Variants in PDE1C observed in about 807,000 individuals in gnomAD.
The protein encoded by PDE1C is phosphodiesterase 1C.
PDE1C carries 62 observed loss-of-function variants against 93.1 expected under a neutral mutation model. That is an observed-to-expected ratio of 0.67 (90% CI 0.54 to 0.82). PDE1C has a LOEUF of 0.82. PDE1C is among the 40% of genes least tolerant of loss of function. The probability of loss-of-function intolerance (pLI) is 0.00; values close to 1 mark genes in which losing one functional copy is unlikely to be tolerated. For synonymous variants in PDE1C, 325 were observed against 310.1 expected, an observed-to-expected ratio of 1.05 and a Z score of -0.50; for missense variants, 742 against 884.6, an observed-to-expected ratio of 0.84 and a Z score of 2.04.
At chr7:32,287,623 C>T (rs1191214582) in intron 1 of PDE1C, among the ~76,000 whole-genome samples, 1 of 152,214 alleles carries the variant, frequency 6.6e-6, no homozygotes, top group African/African-American at 2.4e-5. Context: ...TAAAGACAGG[C>T]TAAGTGAGTG....
At chr7:31,797,344 G>A (rs1785428722) in intron 16 of PDE1C, among the ~76,000 whole-genome samples, 1 of 151,758 alleles carries the variant, frequency 6.6e-6, no homozygotes, top group Non-Finnish European at 1.5e-5. Context: ...GAAGGCTGCA[G>A]TGGGATACCT....
At chr7:31,919,013 A>C (rs2128955012) in intron 2 of PDE1C, among the ~76,000 whole-genome samples, 1 of 152,368 alleles carries the variant, frequency 6.6e-6, no homozygotes, top group Non-Finnish European at 1.5e-5. Context: ...TAATAATAAT[A>C]ATCAGCAATG....
At chr7:31,920,234 T>C (rs542974509) in intron 2 of PDE1C, among the ~76,000 whole-genome samples, 66 of 152,248 alleles carry the variant, frequency 4.3e-4, no homozygotes, top group African/African-American at 1.5e-3. Context: ...CAGTATACCA[T>C]AGGACAGGAG....
intron 2 of PDE1C, among the ~76,000 whole-genome samples, chr7:32,187,099 G>T (rs1803932305): frequency 6.6e-6 from 1 of 151,914 alleles, no homozygotes; most frequent in South Asian, 2.1e-4. Context: ...AATCCAGATT[G>T]GGAAACTATT....
At chr7:32,128,498 AAC>A (rs1478321011) in intron 3 of PDE1C, among the ~76,000 whole-genome samples, 1 of 152,014 alleles carries the variant, frequency 6.6e-6, no homozygotes, top group East Asian at 1.9e-4. Flanking sequence ...ATTGTTAAGA[AAC>A]ACATATGAAA....
intron 2 of PDE1C, among the ~76,000 whole-genome samples, chr7:31,983,268 A>C (rs1236885378): frequency 6.6e-6 from 1 of 152,204 alleles, no homozygotes; most frequent in Non-Finnish European, 1.5e-5. Context: ...TAGTGAACTC[A>C]AATTTCCTAA....
intron 2 of PDE1C, among the ~76,000 whole-genome samples, chr7:31,962,977 C>T (rs1809250299): frequency 6.6e-6 from 1 of 152,148 alleles, no homozygotes; most frequent in Non-Finnish European, 1.5e-5. Flanking sequence ...AAGTTTAGCC[C>T]CTTTAAAAAA....
chr7:32,349,775 G>T (rs182131694), intron 1 of PDE1C, among the ~76,000 whole-genome samples: 15 of 152,126 alleles, frequency 9.9e-5, no homozygotes, highest in African/African-American at 3.6e-4. Context: ...GACTGCAGGC[G>T]CATGCCACCA....
intron 2 of PDE1C, among the ~76,000 whole-genome samples, chr7:32,184,466 A>G (rs945254254): frequency 2.0e-5 from 3 of 152,250 alleles, no homozygotes; most frequent in Non-Finnish European, 4.4e-5. Context: ...AATACTATGC[A>G]GCCATAAAAA....
chr7:32,276,139 T>C (rs1811270699), intron 1 of PDE1C, among the ~76,000 whole-genome samples: 2 of 152,232 alleles, frequency 1.3e-5, no homozygotes, highest in Admixed American at 1.3e-4. Flanking sequence ...TGTTGATTAT[T>C]TACCATATAC....
chr7:31,848,599 T>C (rs1179889480), intron 8 of PDE1C, among the ~76,000 whole-genome samples: 1 of 152,058 alleles, frequency 6.6e-6, no homozygotes, highest in South Asian at 2.1e-4. Flanking sequence ...ATGTGGAAAA[T>C]TGAGAATAAA....
chr7:32,115,424 C>T (rs1453075332), intron 3 of PDE1C, among the ~76,000 whole-genome samples: 2 of 151,968 alleles, frequency 1.3e-5, no homozygotes, highest in South Asian at 2.1e-4. Flanking sequence ...ACAATAAGAG[C>T]ATGTGGACAC....
At chr7:32,242,304 C>T (rs1369945073) in intron 1 of PDE1C, among the ~76,000 whole-genome samples, 1 of 151,866 alleles carries the variant, frequency 6.6e-6, no homozygotes, top group Non-Finnish European at 1.5e-5. Flanking sequence ...TTCGGAGTTC[C>T]CAGGGGGTTG....
intron 16 of PDE1C, chr7:31,786,684 GT>G (rs1344633436): frequency 6.6e-6 from 1 of 152,152 alleles, no homozygotes; most frequent in Non-Finnish European, 1.5e-5. Context: ...GAAAAAAATT[GT>G]TGCCTGAATT....
In PDE1C at chr7:31,753,520, G is replaced by A. The variant is rs764396968; in HGVS notation, c.1994C>T (p.Pro665Leu). 4 of 1,611,566 alleles carry A rather than the reference G, an allele frequency of 2.5e-6. No individual in the cohort carries two copies. The highest frequency in any genetic ancestry group is 1.7e-5 in the Admixed American group (1 of 59,858). ...TGCATAGGAGCTAGATGCGTAAGCA[G>A]GGCGTTTAAAATGACGCAAAGGAGG... ...IKPPLRHFKR[P>L]AYASSSYAPS... Residue 665 changes from proline to leucine, a missense_variant, in exon 18 of 18, where the codon CCT (proline) becomes CTT (leucine). Around this residue, in one of 4 missense-constraint regions of PDE1C, gnomAD observed 454 missense variants for 459.4 expected, o/e 0.99. Transcript: ENST00000396191.
intron 8 of PDE1C, 119 bp from the exon 9 acceptor site, chr7:31,848,215 A>G (rs1302216549): frequency 1.1e-5 from 11 of 961,306 alleles, no homozygotes; most frequent in South Asian, 3.1e-5. Context: ...CTTTGTCCCC[A>G]TGCCAGTTAT....
rs1454712624 is a variant in PDE1C at position 32,085,878 on chromosome 7, C to T, written c.308+83907G>A. 3.4e-5 allele frequency among the ~76,000 whole-genome samples: 5 copies of T among 146,624 alleles called. 1 individual carries two copies. The highest frequency in any genetic ancestry group is 4.5e-4 in the South Asian group (2 of 4,488). ...TCAAAATAATCAGAGCTATCTATGA[C>T]AAACCCACAGCCAATATCATACTGA... is the stretch of plus-strand genomic sequence containing the variant. On this transcript the variant is annotated intron_variant, in intron 3 of 18. Transcript: ENST00000396193.
intron 2 of PDE1C, among the ~76,000 whole-genome samples, chr7:31,892,935 A>G (rs1219317445): frequency 6.6e-6 from 1 of 152,244 alleles, no homozygotes; most frequent in South Asian, 2.1e-4. Flanking sequence ...ATAAAAAATG[A>G]GAAGTATGTG....
At chr7:31,961,445 T>G (rs1380824200) in intron 2 of PDE1C, among the ~76,000 whole-genome samples, 1 of 152,150 alleles carries the variant, frequency 6.6e-6, no homozygotes, top group East Asian at 1.9e-4. Flanking sequence ...AATGCATATT[T>G]CATATTTATT....
Sources: allele counts gnomAD v4.1 joint callset (sites outside exome capture counted in the v4.1 genomes callset), GRCh38; gene constraint gnomAD v4.1.1; regional missense constraint gnomAD v4.1.1; transcripts MANE v1.5; gene names NCBI Gene and HGNC (gene_info 2026-07-23, HGNC 2026-07-21).